Variants in PCDH15 observed in about 807,000 individuals in gnomAD.
The protein encoded by PCDH15 is protocadherin related 15.
PCDH15 carries 129 observed loss-of-function variants against 178.5 expected under a neutral mutation model. The ratio of observed to expected loss-of-function variants is 0.72; its 90% confidence interval spans 0.63 to 0.84. The LOEUF (loss-of-function observed/expected upper bound fraction) is 0.84. Ranked by LOEUF, PCDH15 falls within the 40% of genes least tolerant of loss-of-function variation. PCDH15 has a pLI of 0.00. For synonymous variants in PCDH15, 800 were observed against 732.0 expected (o/e 1.09, Z -1.50); for missense variants, 2,230 against 2,099.9 (o/e 1.06, Z -1.21).
intron 32 of PCDH15, chr10:53,821,682 G>A (rs2076276474): frequency 7.2e-7 from 1 of 1,385,268 alleles, no homozygotes. Flanking sequence ...TCTATTATAT[G>A]AGTGAGTTAG....
At chr10:55,388,479 A>C (rs1837714115) in intron 2 of PCDH15, among the ~76,000 whole-genome samples, 1 of 152,102 alleles carries the variant, frequency 6.6e-6, no homozygotes, top group African/African-American at 2.4e-5. Context: ...ATACAAGATA[A>C]GACTTAAACT....
chr10:54,165,530 G>C (rs11004112), intron 13 of PCDH15, among the ~76,000 whole-genome samples: 2,242 of 152,156 alleles, frequency 0.015, 63 homozygotes, highest in African/African-American at 0.052. Flanking sequence ...TTTTGTAAAG[G>C]TTCATTGGTT....
rs557958586 is a variant in PCDH15, at chr10:54,798,813, C to T, written c.-29+2112G>A. The stretch of plus-strand genomic sequence containing the variant: ...ATAAAATGTAAATGTATATGGGGGG[C>T]TTCTGTGTTAGGAAGAAGTTAATAT... On this transcript the variant is annotated intron_variant, in intron 1 of 37. Coordinates refer to ENST00000644397, the MANE Select transcript of PCDH15 (RefSeq NM_001384140.1). Among the ~76,000 whole-genome samples, 6 of 152,054 alleles carry T rather than the reference C, an allele frequency of 3.9e-5. No homozygotes were observed. The South Asian group carries it at 1.0e-3, about 26-fold the overall frequency.
chr10:55,088,006 T>C (rs16906905), intron 2 of PCDH15, among the ~76,000 whole-genome samples: 6,179 of 152,206 alleles, frequency 0.041, 300 homozygotes, highest in East Asian at 0.14. Flanking sequence ...ACACATGTTA[T>C]AAAAACTGGA....
intron 1 of PCDH15, among the ~76,000 whole-genome samples, chr10:54,785,066 T>C (rs1442353946): frequency 6.6e-6 from 1 of 151,668 alleles, no homozygotes; most frequent in African/African-American, 2.4e-5. Context: ...ATCTACCCGA[T>C]ATGACCCAAA....
intron 1 of PCDH15, among the ~76,000 whole-genome samples, chr10:55,281,195 A>G (rs2132257495): frequency 6.6e-6 from 1 of 152,314 alleles, no homozygotes; most frequent in Middle Eastern, 3.4e-3. Flanking sequence ...TCAGAAATTC[A>G]GAGGTCAAGT....
Position 55,541,259 on chromosome 10 carries a change from A to G in PCDH15, c.-156+86366T>C, listed in dbSNP as rs1249942435. Reference sequence around the variant, plus strand: ...ATCAATAAAGCCAACATTATGAAAGAAAAAAAATAAAAGATCTAGGTATGT... The same window carrying G: ...ATCAATAAAGCCAACATTATGAAAGGAAAAAAATAAAAGATCTAGGTATGT... On this transcript the variant is annotated intron_variant, in intron 2 of 5. Transcript: ENST00000613346. Among the ~76,000 whole-genome samples, 4 of 151,976 alleles carry G rather than the reference A, an allele frequency of 2.6e-5. No homozygotes were observed. In the East Asian group the frequency reaches 7.7e-4, roughly 29 times the overall value.
At chr10:54,793,721 C>T (rs1238078368) in intron 1 of PCDH15, among the ~76,000 whole-genome samples, 2 of 147,560 alleles carry the variant, frequency 1.4e-5, no homozygotes, top group Non-Finnish European at 3.0e-5. Flanking sequence ...CATATATATA[C>T]ACTTGTGTAT....
intron 1 of PCDH15, among the ~76,000 whole-genome samples, chr10:54,779,063 A>C (rs1258249155): frequency 2.0e-5 from 3 of 152,068 alleles, no homozygotes; most frequent in Admixed American, 6.6e-5. Context: ...GAGAGATTAG[A>C]GATAGAGAAT....
At chr10:53,824,570 T>A (rs2076545570) in intron 32 of PCDH15, among the ~76,000 whole-genome samples, 1 of 152,162 alleles carries the variant, frequency 6.6e-6, no homozygotes, top group Non-Finnish European at 1.5e-5. Flanking sequence ...CAGGTAGACC[T>A]GGAGCATCAA....
At chr10:54,110,463 CTG>C (rs1490873125) in intron 15 of PCDH15, among the ~76,000 whole-genome samples, 2 of 152,058 alleles carry the variant, frequency 1.3e-5, no homozygotes, top group Non-Finnish European at 2.9e-5. Context: ...GGGCATTACA[CTG>C]TGAATTTTTC....
At chr10:55,336,265 C>T (rs1030159908) in intron 2 of PCDH15, among the ~76,000 whole-genome samples, 5 of 151,434 alleles carry the variant, frequency 3.3e-5, no homozygotes, top group South Asian at 2.1e-4. Flanking sequence ...TTTGTGAGGG[C>T]GACACGGGTG....
At chr10:55,328,376 A>G (rs1024901933) in intron 2 of PCDH15, among the ~76,000 whole-genome samples, 9 of 151,850 alleles carry the variant, frequency 5.9e-5, no homozygotes, top group Admixed American at 3.3e-4. Context: ...ACACATGTAT[A>G]TGGTCTAGTC....
At chr10:55,528,169 T>C (rs1377439451) in intron 2 of PCDH15, among the ~76,000 whole-genome samples, 1 of 152,180 alleles carries the variant, frequency 6.6e-6, no homozygotes, top group South Asian at 2.1e-4. Flanking sequence ...CTGGAGTGGC[T>C]GGGACTACAG....
chr10:54,499,326 C>T (rs1453066176), intron 3 of PCDH15, among the ~76,000 whole-genome samples: 1 of 152,048 alleles, frequency 6.6e-6, no homozygotes, highest in Non-Finnish European at 1.5e-5. Context: ...ATGCACCTAA[C>T]AGACATCTAC....
At chr10:54,884,574 C>G (rs778249744) in intron 3 of PCDH15, among the ~76,000 whole-genome samples, 3 of 151,512 alleles carry the variant, frequency 2.0e-5, no homozygotes. Flanking sequence ...CCCTCAGGAC[C>G]AGATTCTCAA....
intron 1 of PCDH15, among the ~76,000 whole-genome samples, chr10:54,785,230 CTT>C (rs545637994): frequency 2.0e-5 from 3 of 151,780 alleles, no homozygotes; most frequent in Non-Finnish European, 4.4e-5. Context: ...AAAAAAATAA[CTT>C]TATTTTTTTC....
At chr10:55,006,278 C>T (rs35759994) in intron 2 of PCDH15, among the ~76,000 whole-genome samples, 9,236 of 152,126 alleles carry the variant, frequency 0.061, 388 homozygotes, top group African/African-American at 0.11. Flanking sequence ...CCACCGCCAA[C>T]CCCAGCCTTC....
chr10:55,036,970 C>A (rs1840750846), intron 2 of PCDH15, among the ~76,000 whole-genome samples: 1 of 152,158 alleles, frequency 6.6e-6, no homozygotes, highest in Non-Finnish European at 1.5e-5. Flanking sequence ...ATTCACCTAA[C>A]ATAATTTTTT....
Sources: allele counts gnomAD v4.1 joint callset (sites outside exome capture counted in the v4.1 genomes callset), GRCh38; gene constraint gnomAD v4.1.1; transcripts MANE v1.5; gene names NCBI Gene and HGNC (gene_info 2026-07-23, HGNC 2026-07-21).